STARD9: variants seen among roughly 807,000 people sequenced by gnomAD.
STARD9 encodes the protein StAR related lipid transfer domain containing 9, also known as stAR-related lipid transfer protein 9.
Under a neutral mutation model 399.8 loss-of-function variants are expected in STARD9, and 346 were observed. The observed-to-expected ratio is 0.87, with a 90% CI of 0.79 to 0.95. The LOEUF is 0.95. Ranked by LOEUF, STARD9 falls within the 40% of genes least tolerant of loss-of-function variation. The pLI is 0.00. For missense variants in STARD9, 5,832 were observed against 5,667.5 expected (o/e 1.03, Z -0.93); for synonymous variants, 2,203 against 2,143.5 (o/e 1.03, Z -0.77).
In STARD9 at chr15:42,689,296, C is replaced by G. The variant is rs1401540366; in HGVS notation, c.7718C>G (p.Thr2573Arg). ...CTTCATGACTTTGTGGCCAGGGGCA[C>G]AGTCCTTTCTTACTGTGAAACTTTA... Reference protein sequence around the residue: ...KQLHDFVARGTVLSYCETLLE... With the variant: ...KQLHDFVARGRVLSYCETLLE... Residue 2573 changes from threonine (T) to arginine (R), a missense_variant, in exon 23 of 33, where the codon ACA becomes AGA. Thr to Arg is a moderately conservative substitution (Grantham distance 71). This residue lies in a region of STARD9 where 5,828 missense variants were observed against 5,651.1 expected (regional missense o/e 1.03). Transcript: ENST00000290607. The G allele has an allele frequency of 2.0e-6, 3 of 1,537,250 alleles. No individual in the cohort carries two copies. Among genetic ancestry groups the G allele is most frequent in the Non-Finnish European group, 8.7e-7 (1 of 1,146,906 alleles).
Position 42,661,234 on chromosome 15 carries a change from G to C in STARD9, c.770+9G>C. 1 of 1,529,108 alleles carries C rather than the reference G, an allele frequency of 6.5e-7. No homozygotes were observed. Among genetic ancestry groups the C allele is most frequent in the Non-Finnish European group, 8.8e-7 (1 of 1,139,568 alleles). 94.7% of individuals were successfully genotyped at this position (1,529,108 alleles called of 1,614,324 possible). ...GTGGACCTAGCAGGCAGGTAATTAG[G>C]ATTTTAAAGCTAAGGGGAATTACTC... On this transcript the variant is annotated intron_variant, in intron 10 of 32. Coordinates refer to ENST00000290607, the MANE Select transcript of STARD9 (RefSeq NM_020759.3).
At chr15:42,604,415 A>G (rs1453561565) in intron 3 of STARD9, among the ~76,000 whole-genome samples, 2 of 152,194 alleles carry the variant, frequency 1.3e-5, no homozygotes, top group African/African-American at 4.8e-5. Context: ...GGCACTGGAA[A>G]TAACCAATAA....
intron 7 of STARD9, among the ~76,000 whole-genome samples, chr15:42,644,438 A>G (rs2059605994): frequency 6.6e-6 from 1 of 152,096 alleles, no homozygotes; most frequent in Admixed American, 6.6e-5. Context: ...GATTGCAGTG[A>G]GCCAGGATCA....
Position 42,663,472 on chromosome 15 carries a change from A to G in STARD9, c.1060A>G (p.Lys354Glu), listed in dbSNP as rs1047195904. ...GAAGGACAGCCTTGGAGGCAACTCT[A>G]AAACCATCATGGTTGCCAGTGAGTG... ...LLKDSLGGNS[K>E]TIMVATVSPA... The change falls in exon 12 of 33, where the codon AAA (lysine) becomes GAA (glutamate). Residue 354 changes from lysine (K) to glutamate (E), a missense_variant. Transcript: ENST00000290607. 6.5e-7 allele frequency: 1 copy of G among 1,537,372 alleles called. No homozygotes were observed. The highest frequency in any genetic ancestry group is 2.0e-5 in the Admixed American group (1 of 51,008).
In STARD9 at chr15:42,681,971, C is replaced by T. The variant is rs548248907; in HGVS notation, c.2066-133C>T. 175 of 658,724 alleles carry T rather than the reference C, an allele frequency of 2.7e-4. 3 individuals are homozygous for T. The South Asian group carries it at 3.2e-3, about 12-fold the overall frequency. 40.8% of individuals were successfully genotyped at this position (658,724 alleles called of 1,614,324 possible). A position where few individuals can be genotyped will look rare whatever the true frequency, so the allele number is the denominator to read the frequency against. The stretch of plus-strand genomic sequence containing the variant: ...GGGAGCCCTGTAGCCCTGCAGCCCT[C>T]ACCCTGCCACATCACCTTGGCCAGC... On this transcript the variant is annotated intron_variant, in intron 21 of 32. Coordinates refer to ENST00000290607, the MANE Select transcript of STARD9 (RefSeq NM_020759.3).
chr15:42,646,176 C>CAAT (rs1320672913), intron 7 of STARD9, among the ~76,000 whole-genome samples: 1 of 151,812 alleles, frequency 6.6e-6, no homozygotes, highest in East Asian at 1.9e-4. Context: ...ACAACAACAA[C>CAAT]AATAATAATA....
rs374599216 is a variant in STARD9, at chr15:42,692,523, C to T, written c.10945C>T (p.Arg3649Cys). 5.1e-5 allele frequency: 79 copies of T among 1,537,118 alleles called. 1 individual carries two copies. The Middle Eastern group carries it at 1.0e-3, about 19-fold the overall frequency. ...EQGTQTLGSR[R>C]HWSSTDISFA... is the part of the protein sequence containing the mutation. ...GGGCACACAGACCCTCGGCAGCAGG[C>T]GCCACTGGAGCAGCACTGACATCTC... is the stretch of plus-strand genomic sequence containing the variant. The change falls in exon 23 of 33, where the codon CGC (arginine) becomes TGC (cysteine). Residue 3649 changes from arginine to cysteine, a missense_variant. Around this residue, in one of 2 missense-constraint regions of STARD9, gnomAD observed 5,828 missense variants for 5,651.1 expected, o/e 1.03. Transcript: ENST00000290607.
chr15:42,643,526 C>T (rs776684778), intron 7 of STARD9, among the ~76,000 whole-genome samples: 17 of 150,828 alleles, frequency 1.1e-4, no homozygotes, highest in Non-Finnish European at 2.1e-4. Flanking sequence ...AACAGAGTCT[C>T]GCTCTGTCGC....
intron 30 of STARD9, 35 bp downstream of exon 30, chr15:42,718,214 A>G: frequency 6.6e-7 from 1 of 1,523,152 alleles, no homozygotes; most frequent in Non-Finnish European, 8.8e-7. Context: ...CATGGGGCCT[A>G]GTTTCTGGTG....
chr15:42,652,565 C>T lies in STARD9; in HGVS notation c.675C>T (p.His225=), dbSNP rs772060961. The change falls in exon 9 of 33, where the codon CAC becomes CAT. Residue 225 remains histidine, a synonymous_variant. Transcript: ENST00000290607. ...THVHEASSRS[H]AIFTIHYTQA... ...TTCATGAGGCCAGCAGCAGATCCCA[C>T]GCCATTTTCACGATCCACTACACGC... The T allele has an allele frequency of 3.8e-5, 59 of 1,536,892 alleles. No individual in the cohort carries two copies. The highest frequency in any genetic ancestry group is 1.7e-4 in the Middle Eastern group (1 of 6,014).
At chr15:42,662,027 T>A (rs184949186) in intron 10 of STARD9, among the ~76,000 whole-genome samples, 7 of 152,330 alleles carry the variant, frequency 4.6e-5, no homozygotes, top group Non-Finnish European at 2.9e-5. Flanking sequence ...GGTGCACATC[T>A]GTAGTCCCAG....
Position 42,714,846 on chromosome 15 carries a change from CA to C in STARD9, c.13285-1829del, listed in dbSNP as rs2061322026. Among the ~76,000 whole-genome samples, 3 of 150,706 alleles carry C rather than the reference CA, an allele frequency of 2.0e-5. No individual in the cohort carries two copies. In the South Asian group the frequency reaches 6.2e-4, roughly 31 times the overall value. ...ATGTCTGTGAAATGGGTCTCTGATGCAATCTTTTTTTTTTTCAGATGGCTGC... is the reference window on the plus strand; with the variant it reads ...ATGTCTGTGAAATGGGTCTCTGATGCATCTTTTTTTTTTTCAGATGGCTGC... On this transcript the variant is annotated intron_variant, in intron 26 of 32. Transcript: ENST00000290607.
In STARD9 at chr15:42,685,727, A is replaced by G. The variant is rs2060537772; in HGVS notation, c.4149A>G (p.Leu1383=). ...RPGYWPNTEE[L]KPSDAETVLP... ...GATACTGGCCAAATACTGAGGAACT[A>G]AAGCCATCAGATGCAGAAACGGTTC... Residue 1383 remains leucine (L), a synonymous_variant, in exon 23 of 33, where the codon CTA becomes CTG. Coordinates refer to ENST00000290607, the MANE Select transcript of STARD9 (RefSeq NM_020759.3). 6.5e-7 allele frequency: 1 copy of G among 1,537,402 alleles called. No homozygotes were observed. The highest frequency in any genetic ancestry group is 1.4e-5 in the African/African-American group (1 of 73,064).
chr15:42,690,089 C>T lies in STARD9; in HGVS notation c.8511C>T (p.Cys2837=). Residue 2837 remains cysteine (C), a synonymous_variant, in exon 23 of 33, where the codon TGC becomes TGT. Transcript: ENST00000290607. ...GGCCTAAGCAAGACCATGTCCAATG[C>T]CCTGAGGCTTCTACTGGCTTTGAAG... ...ASGPKQDHVQ[C]PEASTGFEEG... is the part of the protein sequence containing the mutation. 1 of 1,537,646 alleles carries T rather than the reference C, an allele frequency of 6.5e-7. No individual in the cohort carries two copies. Among genetic ancestry groups the T allele is most frequent in the Non-Finnish European group, 8.7e-7 (1 of 1,146,994 alleles).
chr15:42,678,283 T>C (rs1012752856), intron 20 of STARD9, among the ~76,000 whole-genome samples: 3 of 152,226 alleles, frequency 2.0e-5, no homozygotes, highest in Non-Finnish European at 2.9e-5. Flanking sequence ...TCTCTCCCTC[T>C]GCTCTTGGAT....
intron 3 of STARD9, among the ~76,000 whole-genome samples, chr15:42,632,035 G>T (rs2059342005): frequency 6.6e-6 from 1 of 152,070 alleles, no homozygotes. Flanking sequence ...GCTGAAAGTG[G>T]GGTGTTGAAG....
At chr15:42,645,326 GATGTT>G (rs2059624924) in intron 7 of STARD9, among the ~76,000 whole-genome samples, 1 of 152,194 alleles carries the variant, frequency 6.6e-6, no homozygotes, top group Non-Finnish European at 1.5e-5. Flanking sequence ...CCATAGAACA[GATGTT>G]ATGTTAGCAA....
chr15:42,590,497 G>A (rs2058372776), intron 3 of STARD9, among the ~76,000 whole-genome samples: 1 of 152,154 alleles, frequency 6.6e-6, no homozygotes, highest in Non-Finnish European at 1.5e-5. Flanking sequence ...TGACTTTAGG[G>A]GGATTTAGAG....
Position 42,691,353 on chromosome 15 carries a change from G to T in STARD9, c.9775G>T (p.Val3259Leu). Residue 3259 changes from valine (V) to leucine (L), a missense_variant, in exon 23 of 33, where the codon GTG becomes TTG. This residue lies in a region of STARD9 where 5,828 missense variants were observed against 5,651.1 expected (regional missense o/e 1.03). Transcript: ENST00000290607. ...REEVAVAKPP[V>L]SKILSQGFKD... is the part of the protein sequence containing the mutation. Reference sequence around the variant, plus strand: ...GGAGGTGGCTGTGGCCAAGCCTCCTGTGTCCAAGATTTTATCACAGGGCTT... The same window carrying T: ...GGAGGTGGCTGTGGCCAAGCCTCCTTTGTCCAAGATTTTATCACAGGGCTT... 6.5e-7 allele frequency: 1 copy of T among 1,537,224 alleles called. No individual in the cohort carries two copies. The highest frequency in any genetic ancestry group is 8.7e-7 in the Non-Finnish European group (1 of 1,146,908).
Sources: allele counts gnomAD v4.1 joint callset (sites outside exome capture counted in the v4.1 genomes callset), GRCh38; gene constraint gnomAD v4.1.1; regional missense constraint gnomAD v4.1.1; transcripts MANE v1.5; gene names NCBI Gene and HGNC (gene_info 2026-07-23, HGNC 2026-07-21).